Variants in SLIT3 observed in about 807,000 individuals in gnomAD.
SLIT3 encodes slit homolog 3 protein.
Under a neutral mutation model 184.0 loss-of-function variants are expected in SLIT3, and 68 were observed. The observed-to-expected ratio is 0.37, with a 90% confidence interval of 0.30 to 0.45. The LOEUF is 0.45. SLIT3 is among the 20% of genes least tolerant of loss of function. The pLI is 1.00. For missense variants in SLIT3, 1,707 were observed against 2,026.0 expected (o/e 0.84, Z 3.02); for synonymous variants, 831 against 828.6 (o/e 1.00, Z -0.05).
chr5:168,688,436 C>T (rs913817830), intron 29 of SLIT3, among the ~76,000 whole-genome samples: 2 of 152,136 alleles, frequency 1.3e-5, no homozygotes, highest in Admixed American at 6.5e-5. Context: ...CCTCCCTCTC[C>T]TCTTTAGGAA....
chr5:169,042,198 C>T lies in SLIT3; in HGVS notation c.413+151281G>A, dbSNP rs560845288. Among the ~76,000 whole-genome samples, 7 of 152,186 alleles carry T rather than the reference C, an allele frequency of 4.6e-5. No individual in the cohort carries two copies. In the East Asian group the frequency reaches 1.4e-3, roughly 29 times the overall value. On this transcript the variant is annotated intron_variant, in intron 4 of 35. Transcript: ENST00000519560. ...ACTTCCAGACAGTGACAAACAGAGCCCCTCAATACCTTCATACAGAAACAC... is the reference window on the plus strand; with the variant it reads ...ACTTCCAGACAGTGACAAACAGAGCTCCTCAATACCTTCATACAGAAACAC...
chr5:168,975,199 G>C (rs1019971863), intron 4 of SLIT3, among the ~76,000 whole-genome samples: 1 of 152,092 alleles, frequency 6.6e-6, no homozygotes, highest in Admixed American at 6.5e-5. Context: ...GGTGGAGGTG[G>C]AGGAGCAAGT....
chr5:168,806,679 T>C (rs1756975061), intron 8 of SLIT3, 92 bp from the exon 9 acceptor site: 1 of 1,440,970 alleles, frequency 6.9e-7, no homozygotes, highest in Non-Finnish European at 9.6e-7. Flanking sequence ...GGGCAAAGCA[T>C]GACCTGACAG....
At chr5:168,936,762 T>C (rs1762171652) in intron 4 of SLIT3, among the ~76,000 whole-genome samples, 1 of 152,068 alleles carries the variant, frequency 6.6e-6, no homozygotes, top group Non-Finnish European at 1.5e-5. Context: ...GTGGTTGGCG[T>C]TCAGTGAAGG....
At chr5:168,965,728 G>C (rs927235342) in intron 4 of SLIT3, among the ~76,000 whole-genome samples, 5 of 152,218 alleles carry the variant, frequency 3.3e-5, no homozygotes, top group African/African-American at 1.2e-4. Context: ...AAAGTTTACT[G>C]TCTCTCCGAG....
At chr5:169,280,384 C>T (rs931176512) in intron 1 of SLIT3, among the ~76,000 whole-genome samples, 4 of 152,036 alleles carry the variant, frequency 2.6e-5, no homozygotes, top group Non-Finnish European at 4.4e-5. Context: ...ATCCTCAGTA[C>T]ATTTCCTAAT....
intron 1 of SLIT3, among the ~76,000 whole-genome samples, chr5:169,281,695 CA>C (rs1767000422): frequency 1.3e-5 from 2 of 152,292 alleles, no homozygotes; most frequent in African/African-American, 4.8e-5. Context: ...TCAGAACCCC[CA>C]CCTGAAACAA....
At chr5:168,861,262 C>G (rs926779161) in intron 5 of SLIT3, among the ~76,000 whole-genome samples, 9 of 152,034 alleles carry the variant, frequency 5.9e-5, no homozygotes, top group African/African-American at 1.9e-4. Flanking sequence ...CCCCATCCCC[C>G]CATCCCACGA....
At chr5:168,961,336 C>T (rs1016445516) in intron 4 of SLIT3, among the ~76,000 whole-genome samples, 1 of 152,162 alleles carries the variant, frequency 6.6e-6, no homozygotes, top group South Asian at 2.1e-4. Flanking sequence ...GGTCTGAGTG[C>T]ACTGATGAAC....
intron 4 of SLIT3, among the ~76,000 whole-genome samples, chr5:169,172,471 G>A (rs529282576): frequency 7.9e-5 from 12 of 152,260 alleles, no homozygotes; most frequent in Admixed American, 2.6e-4. Context: ...GGAAATTCAC[G>A]GTGCATATTA....
intron 4 of SLIT3, among the ~76,000 whole-genome samples, chr5:169,090,173 T>C (rs1216297482): frequency 7.9e-5 from 12 of 151,660 alleles, no homozygotes; most frequent in Admixed American, 7.2e-4. Flanking sequence ...TGGCAGGAGA[T>C]GAAAATACCA....
chr5:169,036,829 A>G (rs1021359235), intron 4 of SLIT3, among the ~76,000 whole-genome samples: 2 of 152,218 alleles, frequency 1.3e-5, no homozygotes, highest in Non-Finnish European at 2.9e-5. Flanking sequence ...TTCACTCGGT[A>G]TTAAGTTGGA....
intron 4 of SLIT3, chr5:169,119,821 A>T (rs996467601): frequency 1.3e-5 from 2 of 152,178 alleles, no homozygotes; most frequent in African/African-American, 4.8e-5. Context: ...CTGACTGGAA[A>T]TGTTTTTCTT....
intron 4 of SLIT3, among the ~76,000 whole-genome samples, chr5:169,041,414 A>T (rs1331661408): frequency 6.6e-6 from 1 of 151,880 alleles, no homozygotes; most frequent in Non-Finnish European, 1.5e-5. Flanking sequence ...ACTGGATACC[A>T]TGGGAGTACA....
intron 5 of SLIT3, among the ~76,000 whole-genome samples, chr5:168,873,891 C>A (rs1759631743): frequency 6.6e-6 from 1 of 152,082 alleles, no homozygotes. Context: ...ATCAGAACAT[C>A]AACGAATACC....
intron 6 of SLIT3, among the ~76,000 whole-genome samples, chr5:168,835,825 ATTTGT>A (rs1339278214): frequency 1.3e-5 from 2 of 150,006 alleles, no homozygotes; most frequent in African/African-American, 2.5e-5. Context: ...AAAAAAAAAA[ATTTGT>A]TTTTGTTTTT....
chr5:168,946,965 C>T (rs1489194136), intron 4 of SLIT3, among the ~76,000 whole-genome samples: 1 of 152,060 alleles, frequency 6.6e-6, no homozygotes, highest in Non-Finnish European at 1.5e-5. Context: ...GAAAAGATTT[C>T]ACAATTAAAT....
At chr5:168,887,661 G>A (rs959896936) in intron 4 of SLIT3, among the ~76,000 whole-genome samples, 1 of 152,100 alleles carries the variant, frequency 6.6e-6, no homozygotes, top group Non-Finnish European at 1.5e-5. Flanking sequence ...TAAGTCATAC[G>A]GATAGTGCGC....
intron 4 of SLIT3, among the ~76,000 whole-genome samples, chr5:168,964,943 C>T (rs1211582703): frequency 6.6e-6 from 1 of 152,196 alleles, no homozygotes. Flanking sequence ...AAGCAGTCTG[C>T]AGGTCACAAC....
Sources: gnomAD v4.1 joint callset for allele counts (sites outside exome capture counted in the v4.1 genomes callset) on GRCh38, gnomAD v4.1.1 for gene constraint, MANE v1.5 for transcripts, NCBI Gene and HGNC (gene_info 2026-07-23, HGNC 2026-07-21) for gene names.